PRR12: variants seen among roughly 807,000 people sequenced by gnomAD.
PRR12 encodes the protein proline rich 12, also known as proline-rich protein 12.
A neutral mutation model predicts 138.0 loss-of-function variants in PRR12; 12 were observed. The ratio of observed to expected loss-of-function variants is 0.09; its 90% CI spans 0.06 to 0.14. The LOEUF is 0.14. PRR12 is among the 10% of genes least tolerant of loss of function. The pLI is 1.00. For synonymous variants in PRR12, 1,567 were observed against 1,291.7 expected (o/e 1.21, Z -4.57); for missense variants, 2,692 against 2,861.3 (o/e 0.94, Z 1.35).
chr19:49,610,403 G>A (rs1033023163), intron 6 of PRR12, among the ~76,000 whole-genome samples: 1 of 152,144 alleles, frequency 6.6e-6, no homozygotes, highest in Non-Finnish European at 1.5e-5. Context: ...AAATCTGATT[G>A]GTTCTGCTCA....
At chr19:49,624,464 G>C (rs566381708) in intron 11 of PRR12, among the ~76,000 whole-genome samples, 14 of 150,378 alleles carry the variant, frequency 9.3e-5, no homozygotes, top group Non-Finnish European at 1.6e-4. Flanking sequence ...TTTGGGGTAG[G>C]TGGTTAGGAT....
rs1317297366 is a variant in PRR12, at chr19:49,616,018, C to G, written c.5296C>G (p.Arg1766Gly). Residue 1766 changes from arginine to glycine, a missense_variant, in exon 9 of 14, where the codon CGG becomes GGG. Arg to Gly is a moderately radical substitution (Grantham distance 125, BLOSUM62 -2). This residue lies in a region of PRR12 where 259 missense variants were observed against 265.1 expected (regional missense o/e 0.98). Coordinates refer to ENST00000418929, the MANE Select transcript of PRR12 (RefSeq NM_020719.3). This position sits in a 1 kb window ranked among gnomAD's most constrained non-coding sequence, Gnocchi z 4.2. ...GERATSGRQT[R>G]PERSLATGQP... Reference sequence around the variant, plus strand: ...GCGGGCCACCAGCGGACGGCAGACACGGCCAGAGCGGAGTCTCGCCACGGG... The same window carrying G: ...GCGGGCCACCAGCGGACGGCAGACAGGGCCAGAGCGGAGTCTCGCCACGGG... 6.4e-7 allele frequency: 1 copy of G among 1,553,494 alleles called. No individual in the cohort carries two copies. Among genetic ancestry groups the G allele is most frequent in the African/African-American group, 1.4e-5 (1 of 73,062 alleles).
chr19:49,598,119 G>T (rs2080787984), intron 4 of PRR12, 106 bp downstream of exon 4: 20 of 1,198,588 alleles, frequency 1.7e-5, no homozygotes, highest in Non-Finnish European at 2.1e-5. Flanking sequence ...TGTCGTCCAG[G>T]CTGGAGTGCA....
At chr19:49,609,454 A>T (rs1376770026) in intron 6 of PRR12, among the ~76,000 whole-genome samples, 1 of 151,998 alleles carries the variant, frequency 6.6e-6, no homozygotes, top group Non-Finnish European at 1.5e-5. Flanking sequence ...TACAAAAATT[A>T]GCCGGACATG....
At chr19:49,600,664 C>G (rs1020628215) in intron 5 of PRR12, among the ~76,000 whole-genome samples, 1 of 151,636 alleles carries the variant, frequency 6.6e-6, no homozygotes, top group Middle Eastern at 3.2e-3. Context: ...AACAAAAAAC[C>G]CCAAAAACAA....
Position 49,594,733 on chromosome 19 carries a change from C to T in PRR12, c.398C>T (p.Ser133Leu). 6.2e-7 allele frequency: 1 copy of T among 1,613,350 alleles called. No individual in the cohort carries two copies. Among genetic ancestry groups the T allele is most frequent in the Non-Finnish European group, 8.5e-7 (1 of 1,179,840 alleles). The change falls in exon 4 of 14, where the codon TCG (serine) becomes TTG (leucine). Residue 133 changes from serine to leucine, a missense_variant. By Grantham distance (145) the Ser-to-Leu change is moderately radical. Coordinates refer to ENST00000418929, the MANE Select transcript of PRR12 (RefSeq NM_020719.3). The surrounding 1 kb of genome is among the most constrained non-coding windows in gnomAD (Gnocchi z 5.6). The part of the protein sequence containing the change: ...HTPGPTELFI[S>L]GALPGSSTFP... ...CCAGGCCCCACGGAGCTCTTCATCTCGGGTGCCCTGCCGGGTTCCAGCACC... is the reference window on the plus strand; with the variant it reads ...CCAGGCCCCACGGAGCTCTTCATCTTGGGTGCCCTGCCGGGTTCCAGCACC...
Position 49,596,150 on chromosome 19 carries a change from T to C in PRR12, c.1815T>C (p.Ala605=), listed in dbSNP as rs1291311835. ...ASAPFLAPPG[A]GSYAAGAGGY... The stretch of plus-strand genomic sequence containing the variant: ...CGCCTTTCCTGGCACCTCCGGGAGC[T>C]GGCAGCTATGCAGCCGGAGCAGGTG... The change falls in exon 4 of 14, where the codon GCT becomes GCC. Residue 605 remains alanine (A), a synonymous_variant. Coordinates refer to ENST00000418929, the MANE Select transcript of PRR12 (RefSeq NM_020719.3). This position sits in a 1 kb window ranked among gnomAD's most constrained non-coding sequence, Gnocchi z 5.6. The C allele has an allele frequency of 6.2e-7, 1 of 1,607,372 alleles. No homozygotes were observed. The highest frequency in any genetic ancestry group is 1.1e-5 in the South Asian group (1 of 91,082).
chr19:49,606,745 C>T (rs1349094459), intron 6 of PRR12, among the ~76,000 whole-genome samples: 5 of 148,602 alleles, frequency 3.4e-5, no homozygotes, highest in Non-Finnish European at 7.4e-5. Flanking sequence ...CTCCTGGGTT[C>T]AAGTGATTCT....
Position 49,599,992 on chromosome 19 carries a change from T to C in PRR12, c.4345+54T>C, listed in dbSNP as rs1396130511. 1 of 1,475,616 alleles carries C rather than the reference T, an allele frequency of 6.8e-7. No homozygotes were observed. Among genetic ancestry groups the C allele is most frequent in the Non-Finnish European group, 9.1e-7 (1 of 1,100,124 alleles). 91.4% of individuals were successfully genotyped at this position (1,475,616 alleles called of 1,614,324 possible). Reference sequence around the variant, plus strand: ...AGAGCTTAAAGGTTATTATGATCACTAGGTAACAGTTGTGCAGGTTACGCA... The same window carrying C: ...AGAGCTTAAAGGTTATTATGATCACCAGGTAACAGTTGTGCAGGTTACGCA... On this transcript the variant is annotated intron_variant, in intron 5 of 13. Coordinates refer to ENST00000418929, the MANE Select transcript of PRR12 (RefSeq NM_020719.3). The surrounding 1 kb of genome is among the most constrained non-coding windows in gnomAD (Gnocchi z 5.0).
Position 49,625,426 on chromosome 19 carries a change from G to T in PRR12, c.5965-35G>T. 6.4e-7 allele frequency: 1 copy of T among 1,567,710 alleles called. No homozygotes were observed. ...CCCTTCCCTCCCCAGAGGCCGGTGT[G>T]CCACCCTCCCCAGTGCCATGTTTGA... On this transcript the variant is annotated intron_variant, in intron 13 of 13. Coordinates refer to ENST00000418929, the MANE Select transcript of PRR12 (RefSeq NM_020719.3). This position sits in a 1 kb window ranked among gnomAD's most constrained non-coding sequence, Gnocchi z 5.5.
chr19:49,602,712 C>T (rs972338929), intron 6 of PRR12, among the ~76,000 whole-genome samples: 6 of 152,104 alleles, frequency 3.9e-5, no homozygotes, highest in African/African-American at 1.4e-4. Flanking sequence ...CCACCACACC[C>T]GGCTGATTTT....
Position 49,597,497 on chromosome 19 carries a change from A to G in PRR12, c.3162A>G (p.Glu1054=). ...CGCCGCCTCCCGCGCCGGCCTCCGA[A>G]CCCAAGGGTGGCCTCACCTCGCCCA... is the stretch of plus-strand genomic sequence containing the variant. ...PPPPPPAPAS[E]PKGGLTSPIF... The change falls in exon 4 of 14, where the codon GAA becomes GAG. Residue 1054 remains glutamate (E), a synonymous_variant. Coordinates refer to ENST00000418929, the MANE Select transcript of PRR12 (RefSeq NM_020719.3). The surrounding 1 kb of genome is among the most constrained non-coding windows in gnomAD (Gnocchi z 6.3). 1 of 1,551,248 alleles carries G rather than the reference A, an allele frequency of 6.4e-7. No individual in the cohort carries two copies.
chr19:49,599,233 GGC>G lies in PRR12; in HGVS notation c.3679-38_3679-37del. 1.3e-6 allele frequency: 2 copies of G among 1,509,006 alleles called. No homozygotes were observed. The highest frequency in any genetic ancestry group is 1.8e-6 in the Non-Finnish European group (2 of 1,133,430). The allele number at this position is 1,509,006 out of a possible 1,614,324, so 93.5% of individuals were successfully genotyped here. ...GAGGGAGGATGGGACTGGGGGCCCA[GGC>G]TACTGGGCCCTCACGGCCCGCCACT... On this transcript the variant is annotated intron_variant, in intron 4 of 13. Transcript: ENST00000418929. This position sits in a 1 kb window ranked among gnomAD's most constrained non-coding sequence, Gnocchi z 5.0.
chr19:49,595,943 C>A lies in PRR12; in HGVS notation c.1608C>A (p.Gly536=). 6.2e-7 allele frequency: 1 copy of A among 1,601,304 alleles called. No homozygotes were observed. The highest frequency in any genetic ancestry group is 8.5e-7 in the Non-Finnish European group (1 of 1,179,668). ...TASPSLSYST[G]HSPALSGHGG... Reference sequence around the variant, plus strand: ...GCCCCTCGCTCAGCTACAGTACCGGCCATTCCCCAGCGCTCTCGGGCCATG... The same window carrying A: ...GCCCCTCGCTCAGCTACAGTACCGGACATTCCCCAGCGCTCTCGGGCCATG... Residue 536 remains glycine, a synonymous_variant, in exon 4 of 14, where the codon GGC becomes GGA. Transcript: ENST00000418929.
intron 6 of PRR12, among the ~76,000 whole-genome samples, chr19:49,603,117 A>G (rs1433585552): frequency 6.6e-6 from 1 of 152,276 alleles, no homozygotes; most frequent in Non-Finnish European, 1.5e-5. Flanking sequence ...TCTCTGGCTC[A>G]TCATGAATAA....
intron 11 of PRR12, 116 bp downstream of exon 11, chr19:49,621,738 C>A: frequency 2.4e-6 from 2 of 831,748 alleles, no homozygotes; most frequent in Non-Finnish European, 1.9e-6. Flanking sequence ...TCCTTCTGGG[C>A]TCAGATGGGA....
intron 6 of PRR12, among the ~76,000 whole-genome samples, chr19:49,602,409 A>G (rs1280468577): frequency 6.6e-6 from 1 of 152,174 alleles, no homozygotes; most frequent in Admixed American, 6.5e-5. Flanking sequence ...AAATATAATC[A>G]TGAATTGGGC....
chr19:49,625,445 T>C lies in PRR12; in HGVS notation c.5965-16T>C, dbSNP rs775789595. On this transcript the variant is annotated splice_polypyrimidine_tract_variant and intron_variant, in intron 13 of 13. Transcript: ENST00000418929. The surrounding 1 kb of genome is among the most constrained non-coding windows in gnomAD (Gnocchi z 5.5). ...CGGTGTGCCACCCTCCCCAGTGCCA[T>C]GTTTGACCCCTGCAGACCCTGGCCA... 26 of 1,594,184 alleles carry C rather than the reference T, an allele frequency of 1.6e-5. No individual in the cohort carries two copies. The highest frequency in any genetic ancestry group is 1.0e-4 in the South Asian group (9 of 88,210).
chr19:49,596,964 C>T lies in PRR12; in HGVS notation c.2629C>T (p.Pro877Ser). ...RLRPEESLDP[P>S]GAMQELLGAL... ...GCGACCCGAGGAGAGCCTGGATCCG[C>T]CAGGCGCCATGCAGGAATTGCTCGG... is the stretch of plus-strand genomic sequence containing the variant. Residue 877 changes from proline (P) to serine (S), a missense_variant, in exon 4 of 14, where the codon CCA becomes TCA. This residue lies in a region of PRR12 where 840 missense variants were observed against 689.8 expected (regional missense o/e 1.22). Transcript: ENST00000418929. The surrounding 1 kb of genome is among the most constrained non-coding windows in gnomAD (Gnocchi z 5.6). 4 of 1,553,092 alleles carry T rather than the reference C, an allele frequency of 2.6e-6. No homozygotes were observed. The highest frequency in any genetic ancestry group is 2.6e-6 in the Non-Finnish European group (3 of 1,153,814).
Sources: gnomAD v4.1 joint callset for allele counts (sites outside exome capture counted in the v4.1 genomes callset) on GRCh38, gnomAD v4.1.1 for gene constraint, gnomAD v4.1.1 regional missense constraint, Gnocchi (gnomAD v3.1) non-coding constraint, MANE v1.5 for transcripts, NCBI Gene and HGNC (gene_info 2026-07-23, HGNC 2026-07-21) for gene names.